The following SRBD1 variants were observed in gnomAD, a reference collection of about 807,000 sequenced individuals.
The protein encoded by SRBD1 is S1 RNA-binding domain-containing protein 1.
A neutral mutation model predicts 115.3 loss-of-function variants in SRBD1; 88 were observed. The observed-to-expected ratio is 0.76, with a 90% CI of 0.64 to 0.91. SRBD1 has a LOEUF of 0.91. Among genes scored for constraint, SRBD1 ranks in the 40% least tolerant of loss-of-function variants. The pLI is 0.00. For synonymous variants in SRBD1, 509 were observed against 407.7 expected (o/e 1.25, Z -2.99); for missense variants, 1,385 against 1,177.4 (o/e 1.18, Z -2.58).
intron 16 of SRBD1, among the ~76,000 whole-genome samples, chr2:45,460,387 G>C (rs1669276929): frequency 6.6e-6 from 1 of 152,090 alleles, no homozygotes; most frequent in Admixed American, 6.6e-5. Context: ...CATATGAGGG[G>C]GGTTCTGAAT....
At chr2:45,610,797 G>C (rs559409471) in intron 1 of SRBD1, among the ~76,000 whole-genome samples, 17 of 152,102 alleles carry the variant, frequency 1.1e-4, no homozygotes, top group Non-Finnish European at 5.9e-5. Context: ...GTGTGATGAC[G>C]GGCGCCTGTA....
intron 16 of SRBD1, among the ~76,000 whole-genome samples, chr2:45,441,864 T>C (rs1002545282): frequency 6.6e-6 from 1 of 152,192 alleles, no homozygotes; most frequent in South Asian, 2.1e-4. Flanking sequence ...TGTCCTAACA[T>C]GTTAAGACTG....
intron 18 of SRBD1, among the ~76,000 whole-genome samples, chr2:45,414,334 A>C (rs557909812): frequency 3.3e-5 from 5 of 152,290 alleles, no homozygotes; most frequent in African/African-American, 1.2e-4. Flanking sequence ...ATGAACTACA[A>C]GAAACAGTGC....
chr2:45,413,979 C>A (rs1359861919), intron 18 of SRBD1, among the ~76,000 whole-genome samples: 1 of 151,892 alleles, frequency 6.6e-6, no homozygotes, highest in African/African-American at 2.4e-5. Context: ...CTTGACATAT[C>A]ATGGATAAAC....
chr2:45,428,004 T>A lies in SRBD1; in HGVS notation c.2050-8110A>T, dbSNP rs188414974. On this transcript the variant is annotated intron_variant, in intron 16 of 20. Coordinates refer to ENST00000263736, the MANE Select transcript of SRBD1 (RefSeq NM_018079.5). ...TCAGCTCTGGACCAAGCAGACCTAA[T>A]AGACATCTACAGAACTCTCCACTAC... 1.1e-3 allele frequency among the ~76,000 whole-genome samples: 165 copies of A among 152,256 alleles called. 1 individual carries two copies. Among genetic ancestry groups the A allele is most frequent in the African/African-American group, 3.9e-3 (161 of 41,550 alleles).
chr2:45,569,071 A>G (rs1301141898), intron 9 of SRBD1: 1 of 151,964 alleles, frequency 6.6e-6, no homozygotes, highest in Non-Finnish European at 1.5e-5. Flanking sequence ...ACAGGACCCA[A>G]CATAAAATAA....
intron 18 of SRBD1, among the ~76,000 whole-genome samples, chr2:45,417,411 T>A (rs956916435): frequency 2.0e-5 from 3 of 152,208 alleles, no homozygotes; most frequent in Admixed American, 6.5e-5. Context: ...TCTAACCATG[T>A]TTTGGTGGAT....
chr2:45,465,584 G>A (rs1026121899), intron 16 of SRBD1, among the ~76,000 whole-genome samples: 1 of 152,082 alleles, frequency 6.6e-6, no homozygotes, highest in Non-Finnish European at 1.5e-5. Flanking sequence ...GTATAAGACT[G>A]GAAGAAAACT....
At chr2:45,574,789 C>G in intron 7 of SRBD1, 66 bp from the exon 8 acceptor site, 1 of 1,338,802 alleles carries the variant, frequency 7.5e-7, no homozygotes, top group East Asian at 2.3e-5. Flanking sequence ...AATTCTATAA[C>G]TAAATCACAG....
chr2:45,474,512 T>C (rs1344694720), intron 16 of SRBD1, among the ~76,000 whole-genome samples: 1 of 152,244 alleles, frequency 6.6e-6, no homozygotes, highest in African/African-American at 2.4e-5. Flanking sequence ...CTGGCCTATG[T>C]TAAGGTCAGT....
At chr2:45,396,039 T>C (rs140291860) in intron 19 of SRBD1, among the ~76,000 whole-genome samples, 27 of 152,266 alleles carry the variant, frequency 1.8e-4, no homozygotes, top group African/African-American at 6.5e-4. Context: ...GAACAGGTAG[T>C]GATAAATATC....
intron 16 of SRBD1, among the ~76,000 whole-genome samples, chr2:45,452,884 C>G (rs181692421): frequency 6.6e-6 from 1 of 151,952 alleles, no homozygotes; most frequent in Non-Finnish European, 1.5e-5. Context: ...GTGGAATAAA[C>G]TGTATACTAG....
At chr2:45,553,527 G>C (rs1672369530) in intron 11 of SRBD1, 96 bp downstream of exon 11, 2 of 768,742 alleles carry the variant, frequency 2.6e-6, no homozygotes, top group Non-Finnish European at 3.8e-6. Context: ...CTTTCGATTG[G>C]TTAATCAATC....
At chr2:45,605,966 A>G (rs1456205491) in intron 1 of SRBD1, among the ~76,000 whole-genome samples, 1 of 151,636 alleles carries the variant, frequency 6.6e-6, no homozygotes, top group African/African-American at 2.4e-5. Flanking sequence ...TAAAACTCTT[A>G]AGAGTATGGG....
chr2:45,602,061 C>T lies in SRBD1; in HGVS notation c.103G>A (p.Asp35Asn), dbSNP rs781549395. 1.9e-6 allele frequency: 3 copies of T among 1,613,804 alleles called. No homozygotes were observed. Among genetic ancestry groups the T allele is most frequent in the East Asian group, 2.2e-5 (1 of 44,890 alleles). The change falls in exon 3 of 21, where the codon GAC (aspartate) becomes AAC (asparagine). Residue 35 changes from aspartate (D) to asparagine (N), a missense_variant. Asp to Asn is a conservative substitution (Grantham distance 23, BLOSUM62 1). Coordinates refer to ENST00000263736, the MANE Select transcript of SRBD1 (RefSeq NM_018079.5). ...GGCTCCCAGGCACTATCTTCCTTGT[C>T]ATCTTCTTCAGAGGCAGATGATCTA... ...SELSSASEED[D>N]KEDSAWEPQK...
intron 19 of SRBD1, among the ~76,000 whole-genome samples, chr2:45,404,213 A>C (rs1667366227): frequency 6.6e-6 from 1 of 152,192 alleles, no homozygotes; most frequent in Non-Finnish European, 1.5e-5. Context: ...ATATGAGATG[A>C]AAAAGATTAT....
chr2:45,542,081 T>G (rs558014782), intron 14 of SRBD1, among the ~76,000 whole-genome samples: 18 of 152,304 alleles, frequency 1.2e-4, no homozygotes, highest in African/African-American at 4.1e-4. Flanking sequence ...GTGCATGGGC[T>G]GTTTGTGCCA....
intron 14 of SRBD1, among the ~76,000 whole-genome samples, chr2:45,512,173 A>G (rs913522282): frequency 1.3e-5 from 2 of 152,212 alleles, no homozygotes; most frequent in Admixed American, 6.6e-5. Context: ...TTAAAACACT[A>G]TTTCTCTAAC....
At chr2:45,428,459 G>A (rs1038349105) in intron 16 of SRBD1, among the ~76,000 whole-genome samples, 22 of 152,268 alleles carry the variant, frequency 1.4e-4, no homozygotes, top group African/African-American at 5.3e-4. Context: ...GCTGAGGTAG[G>A]AGAATGGCGT....
Sources: allele counts gnomAD v4.1 joint callset (sites outside exome capture counted in the v4.1 genomes callset), GRCh38; gene constraint gnomAD v4.1.1; transcripts MANE v1.5; gene names NCBI Gene and HGNC (gene_info 2026-07-23, HGNC 2026-07-21).